SLC38A1: variants seen among roughly 807,000 people sequenced by gnomAD.
SLC38A1 encodes solute carrier family 38 member 1.
Under a neutral mutation model 60.3 loss-of-function variants are expected in SLC38A1, and 18 were observed. That is an observed-to-expected ratio of 0.30 (90% CI 0.21 to 0.44). The LOEUF is 0.44. Ranked by LOEUF, SLC38A1 falls within the 20% of genes least tolerant of loss-of-function variation. The pLI, the probability that SLC38A1 is intolerant of heterozygous loss-of-function variation, is 1.00. For synonymous variants in SLC38A1, 196 were observed against 212.1 expected (o/e 0.92, Z 0.66); for missense variants, 448 against 587.2 (o/e 0.76, Z 2.45).
Position 46,222,289 on chromosome 12 carries a change from C to A in SLC38A1, c.314+6864G>T, listed in dbSNP as rs146708869. On this transcript the variant is annotated intron_variant, in intron 5 of 16. Transcript: ENST00000398637. ...CAGGTTAAAAATAAATTCAAAGAGTCTAAACTTTCCATCTCCACTCCACCT... is the reference window on the plus strand; with the variant it reads ...CAGGTTAAAAATAAATTCAAAGAGTATAAACTTTCCATCTCCACTCCACCT... Among the ~76,000 whole-genome samples the A allele has an allele frequency of 2.3e-3, 351 of 151,888 alleles. 1 individual carries two copies. The highest frequency in any genetic ancestry group is 7.4e-3 in the African/African-American group (307 of 41,428).
intron 1 of SLC38A1, among the ~76,000 whole-genome samples, chr12:46,263,408 C>A (rs1942259179): frequency 6.6e-6 from 1 of 151,998 alleles, no homozygotes; most frequent in African/African-American, 2.4e-5. Context: ...TCAATAAATG[C>A]CAGAAATCAA....
rs150862715 is a variant in SLC38A1 at position 46,250,442 on chromosome 12, C to T, written c.-208-7128G>A. 7.0e-4 allele frequency among the ~76,000 whole-genome samples: 107 copies of T among 152,324 alleles called. No individual in the cohort carries two copies. The East Asian group carries it at 9.6e-3, about 14-fold the overall frequency. ...AAAACTGGCACAAGACAGGGATGCC[C>T]GCTCTTACCACTCCTATTCAACACA... On this transcript the variant is annotated intron_variant, in intron 1 of 16. Coordinates refer to ENST00000398637, the MANE Select transcript of SLC38A1 (RefSeq NM_030674.4).
intron 5 of SLC38A1, among the ~76,000 whole-genome samples, chr12:46,212,459 G>A (rs1431844659): frequency 1.3e-5 from 2 of 152,210 alleles, no homozygotes; most frequent in Middle Eastern, 3.2e-3. Context: ...ATTGATAATA[G>A]GGCTGCCAAG....
rs183347025 is a variant in SLC38A1 at position 46,207,144 on chromosome 12, C to A, written c.563+11G>T. On this transcript the variant is annotated intron_variant, in intron 8 of 16. Transcript: ENST00000398637. Reference sequence around the variant, plus strand: ...TTTAGTTATATCATAAAAAAATGGTCTATAACTTACGAAAATGTCTCTTCC... The same window carrying A: ...TTTAGTTATATCATAAAAAAATGGTATATAACTTACGAAAATGTCTCTTCC... 87 of 1,579,704 alleles carry A rather than the reference C, an allele frequency of 5.5e-5. No homozygotes were observed. In the Admixed American group the frequency reaches 1.3e-3, roughly 24 times the overall value.
chr12:46,201,570 G>C, intron 12 of SLC38A1, among the ~76,000 whole-genome samples: 1 of 152,096 alleles, frequency 6.6e-6, no homozygotes, highest in East Asian at 1.9e-4. Context: ...AGAGATTAGT[G>C]GCAGAGCTGG....
intron 1 of SLC38A1, among the ~76,000 whole-genome samples, chr12:46,266,812 A>G (rs1248192318): frequency 6.6e-6 from 1 of 152,144 alleles, no homozygotes; most frequent in Non-Finnish European, 1.5e-5. Context: ...TTAAGACCTC[A>G]AACCAAACTA....
intron 13 of SLC38A1, 37 bp downstream of exon 13, chr12:46,201,061 A>C (rs1418466276): frequency 3.6e-6 from 5 of 1,399,636 alleles, no homozygotes; most frequent in Non-Finnish European, 5.0e-6. Context: ...ATTTGTTTAC[A>C]AATATTTATA....
At position 46,252,683 on chromosome 12, in the gene SLC38A1, T is replaced by A. The variant is rs192741845; in HGVS notation, c.-208-9369A>T. Among the ~76,000 whole-genome samples, 329 of 151,104 alleles carry A rather than the reference T, an allele frequency of 2.2e-3. 4 individuals carry two copies. Among genetic ancestry groups the A allele is most frequent in the South Asian group, 0.011 (51 of 4,734 alleles). On this transcript the variant is annotated intron_variant, in intron 1 of 16. Coordinates refer to ENST00000398637, the MANE Select transcript of SLC38A1 (RefSeq NM_030674.4). ...CTGTTATCTCAGCAAGCAGAGATGATCACTCATATATATATATAATTGTTG... is the reference window on the plus strand; with the variant it reads ...CTGTTATCTCAGCAAGCAGAGATGAACACTCATATATATATATAATTGTTG...
At chr12:46,216,859 C>CA (rs112861910) in intron 5 of SLC38A1, among the ~76,000 whole-genome samples, 22,764 of 135,440 alleles carry the variant, frequency 0.17, 2,665 homozygotes, top group East Asian at 0.45. Context: ...GATGCCGTTT[C>CA]AAAAAAAAAA....
rs544566437 is a variant in SLC38A1 at position 46,201,042 on chromosome 12, T to C, written c.1003+56A>G. The C allele has an allele frequency of 5.4e-5, 68 of 1,256,730 alleles. No individual in the cohort carries two copies. The highest frequency in any genetic ancestry group is 4.2e-4 in the Admixed American group (21 of 50,036). The allele number at this position is 1,256,730 out of a possible 1,614,324, so 77.8% of individuals were successfully genotyped here. A position where few individuals can be genotyped will look rare whatever the true frequency, so the allele number is the denominator to read the frequency against. On this transcript the variant is annotated intron_variant, in intron 13 of 16. Transcript: ENST00000398637. ...ATGTTAAAAGTTATTTCAACACTAA[T>C]TTTTACTAATTTGTTTACAAATATT...
At chr12:46,204,466 A>G (rs778745805) in intron 10 of SLC38A1, 49 bp from the exon 11 acceptor site, 24 of 1,591,026 alleles carry the variant, frequency 1.5e-5, no homozygotes, top group Non-Finnish European at 1.9e-5. Flanking sequence ...AGTAAAGCCA[A>G]TGAATAATTA....
At chr12:46,233,547 G>A (rs1414324530) in intron 3 of SLC38A1, among the ~76,000 whole-genome samples, 3 of 152,168 alleles carry the variant, frequency 2.0e-5, no homozygotes, top group Non-Finnish European at 4.4e-5. Context: ...TGGTAGCAAA[G>A]CATAGGTGAG....
chr12:46,243,984 C>G (rs1039880050), intron 1 of SLC38A1, among the ~76,000 whole-genome samples: 8 of 152,176 alleles, frequency 5.3e-5, no homozygotes, highest in African/African-American at 1.7e-4. Context: ...AGAAACTTAT[C>G]TGGCCTTAAG....
rs1031288348 is a variant in SLC38A1, at chr12:46,227,090, A to G, written c.314+2063T>C. 4.6e-5 allele frequency among the ~76,000 whole-genome samples: 7 copies of G among 152,276 alleles called. No individual in the cohort carries two copies. In the South Asian group the frequency reaches 6.2e-4, roughly 14 times the overall value. On this transcript the variant is annotated intron_variant, in intron 5 of 16. Transcript: ENST00000398637. ...AACAAAACCTGGCTATATATAAAAGATCAGGAATCAGAAGCATATAGGACT... is the reference window on the plus strand; with the variant it reads ...AACAAAACCTGGCTATATATAAAAGGTCAGGAATCAGAAGCATATAGGACT...
At chr12:46,244,350 T>G (rs1181172074) in intron 1 of SLC38A1, among the ~76,000 whole-genome samples, 1 of 152,230 alleles carries the variant, frequency 6.6e-6, no homozygotes, top group East Asian at 1.9e-4. Context: ...TTGCTAACAC[T>G]TTGTGGTGGA....
At chr12:46,250,240 A>G (rs955473268) in intron 1 of SLC38A1, among the ~76,000 whole-genome samples, 1 of 151,838 alleles carries the variant, frequency 6.6e-6, no homozygotes, top group Admixed American at 6.6e-5. Context: ...CAAAAACCAC[A>G]TGATTATCTC....
At position 46,201,215 on chromosome 12, in the gene SLC38A1, G is replaced by A; in HGVS notation, c.903-17C>T. 1.9e-6 allele frequency: 3 copies of A among 1,588,572 alleles called. No homozygotes were observed. Among genetic ancestry groups the A allele is most frequent in the East Asian group, 2.3e-5 (1 of 44,292 alleles). ...TGTGATCGGCTAAAAACAAATAAAT[G>A]TTAAAAATTAAAAATCATATGACTG... On this transcript the variant is annotated splice_polypyrimidine_tract_variant and intron_variant, in intron 12 of 16. Coordinates refer to ENST00000398637, the MANE Select transcript of SLC38A1 (RefSeq NM_030674.4).
intron 16 of SLC38A1, 50 bp from the exon 17 acceptor site, chr12:46,189,121 C>T (rs1344409096): frequency 6.9e-7 from 1 of 1,442,430 alleles, no homozygotes; most frequent in Non-Finnish European, 9.7e-7. Context: ...AAAATTTTTC[C>T]ACATGTACCT....
chr12:46,210,839 T>G (rs1940131823), intron 5 of SLC38A1, among the ~76,000 whole-genome samples: 1 of 152,194 alleles, frequency 6.6e-6, no homozygotes, highest in South Asian at 2.1e-4. Flanking sequence ...AAACCTCTTT[T>G]TCTTTATAAA....
Sources: allele counts gnomAD v4.1 joint callset (sites outside exome capture counted in the v4.1 genomes callset), GRCh38; gene constraint gnomAD v4.1.1; transcripts MANE v1.5; gene names NCBI Gene and HGNC (gene_info 2026-07-23, HGNC 2026-07-21).